SCAPER: variants seen among roughly 807,000 people sequenced by gnomAD.
SCAPER encodes S-phase cyclin A associated protein in the ER.
A neutral mutation model predicts 182.2 loss-of-function variants in SCAPER; 98 were observed. The ratio of observed to expected loss-of-function variants is 0.54; its 90% CI spans 0.46 to 0.64. SCAPER has a LOEUF of 0.64. Ranked by LOEUF, SCAPER falls within the 30% of genes least tolerant of loss-of-function variation. The probability of loss-of-function intolerance (pLI) is 0.00; values close to 1 mark genes in which losing one functional copy is unlikely to be tolerated. For missense variants in SCAPER, 1,432 were observed against 1,690.0 expected (o/e 0.85, Z 2.68); for synonymous variants, 605 against 564.6 (o/e 1.07, Z -1.01).
At chr15:76,898,758 G>A (rs1315763736) in intron 1 of SCAPER, among the ~76,000 whole-genome samples, 2 of 152,198 alleles carry the variant, frequency 1.3e-5, no homozygotes, top group Non-Finnish European at 2.9e-5. Flanking sequence ...GAAGTAGGGA[G>A]GGAGGCCAGA....
chr15:76,543,028 AAAT>A (rs1312493361), intron 23 of SCAPER, among the ~76,000 whole-genome samples: 2 of 152,200 alleles, frequency 1.3e-5, no homozygotes, highest in African/African-American at 2.4e-5. Context: ...TAATTTTTAA[AAAT>A]AATTATGGGT....
At chr15:76,395,657 A>C (rs1242841811) in intron 27 of SCAPER, among the ~76,000 whole-genome samples, 1 of 152,178 alleles carries the variant, frequency 6.6e-6, no homozygotes, top group Non-Finnish European at 1.5e-5. Flanking sequence ...CTTTTGAGAA[A>C]TGTCTCTTCA....
At chr15:76,605,052 A>G (rs1162771015) in intron 22 of SCAPER, among the ~76,000 whole-genome samples, 2 of 152,138 alleles carry the variant, frequency 1.3e-5, no homozygotes, top group Admixed American at 6.5e-5. Flanking sequence ...AGAATTTCCA[A>G]CACTATGTTG....
At chr15:76,430,766 C>T (rs921348535) in intron 26 of SCAPER, among the ~76,000 whole-genome samples, 7 of 152,112 alleles carry the variant, frequency 4.6e-5, no homozygotes, top group African/African-American at 1.2e-4. Context: ...TGAGTTAATG[C>T]TGAAATAAGT....
At chr15:76,428,866 C>CTATATA (rs375991391) in intron 26 of SCAPER, among the ~76,000 whole-genome samples, 4,434 of 79,748 alleles carry the variant, frequency 0.056, 286 homozygotes, top group Non-Finnish European at 0.061. Context: ...GATCATTATA[C>CTATATA]TATATATATA....
chr15:76,520,597 AC>A (rs2042760567), intron 23 of SCAPER, among the ~76,000 whole-genome samples: 2 of 151,350 alleles, frequency 1.3e-5, no homozygotes, highest in South Asian at 4.2e-4. Flanking sequence ...ACTCATACAC[AC>A]CCCCCACCCC....
intron 22 of SCAPER, among the ~76,000 whole-genome samples, chr15:76,604,958 C>T (rs1306948264): frequency 6.6e-6 from 1 of 152,126 alleles, no homozygotes; most frequent in Non-Finnish European, 1.5e-5. Context: ...AATATACAAT[C>T]ATGTCATCTG....
chr15:76,560,383 C>T (rs940069026), intron 23 of SCAPER, among the ~76,000 whole-genome samples: 6 of 152,226 alleles, frequency 3.9e-5, no homozygotes, highest in African/African-American at 1.4e-4. Context: ...GTGCTCTTAA[C>T]AGGTGCATTA....
At chr15:76,439,705 T>A (rs1161664081) in intron 25 of SCAPER, among the ~76,000 whole-genome samples, 1 of 152,214 alleles carries the variant, frequency 6.6e-6, no homozygotes, top group Non-Finnish European at 1.5e-5. Context: ...CTGACTTACC[T>A]GAGTCTGGAA....
intron 5 of SCAPER, among the ~76,000 whole-genome samples, chr15:76,813,213 C>T (rs1205414344): frequency 1.9e-4 from 20 of 104,914 alleles, no homozygotes; most frequent in African/African-American, 8.1e-4. Flanking sequence ...AGACAGAGTT[C>T]AATATCCTTT....
intron 23 of SCAPER, among the ~76,000 whole-genome samples, chr15:76,545,552 T>C (rs2045203398): frequency 6.6e-6 from 1 of 152,168 alleles, no homozygotes; most frequent in South Asian, 2.1e-4. Flanking sequence ...AGCTTTCTAA[T>C]GTCAATAACG....
chr15:76,370,974 G>A (rs992325714), intron 29 of SCAPER, among the ~76,000 whole-genome samples: 1 of 152,094 alleles, frequency 6.6e-6, no homozygotes, highest in Non-Finnish European at 1.5e-5. Flanking sequence ...ACCCCCCACC[G>A]CTAGCCAAGG....
At chr15:76,455,029 T>C (rs2048625649) in intron 25 of SCAPER, among the ~76,000 whole-genome samples, 2 of 152,198 alleles carry the variant, frequency 1.3e-5, no homozygotes, top group Non-Finnish European at 2.9e-5. Context: ...TTTTTAATTA[T>C]TCCTCAACCT....
At position 76,701,257 on chromosome 15, in the gene SCAPER, AT is replaced by A. The variant is rs1156517719; in HGVS notation, c.2508+500del. On this transcript the variant is annotated intron_variant, in intron 20 of 31. Transcript: ENST00000563290. ...TTTACTATAATAAATAGGACAATAAATTCATAGATTAGCTATATCATCCAAG... is the reference window on the plus strand; with the variant it reads ...TTTACTATAATAAATAGGACAATAAATCATAGATTAGCTATATCATCCAAG... Among the ~76,000 whole-genome samples the A allele has an allele frequency of 2.6e-5, 4 of 152,306 alleles. No individual in the cohort carries two copies. In the East Asian group the frequency reaches 7.7e-4, roughly 29 times the overall value.
At chr15:76,705,790 G>C (rs1471681554) in intron 18 of SCAPER, 113 bp downstream of exon 18, 11 of 697,920 alleles carry the variant, frequency 1.6e-5, no homozygotes, top group Non-Finnish European at 2.5e-5. Flanking sequence ...TATAAGCTTT[G>C]TTGTGCAAAG....
At chr15:76,778,788 C>G (rs567122158) in intron 8 of SCAPER, among the ~76,000 whole-genome samples, 1 of 151,964 alleles carries the variant, frequency 6.6e-6, no homozygotes, top group Non-Finnish European at 1.5e-5. Flanking sequence ...GCTTACAAAA[C>G]CAGTACATAA....
At chr15:76,642,904 C>T (rs2054216060) in intron 21 of SCAPER, among the ~76,000 whole-genome samples, 1 of 152,104 alleles carries the variant, frequency 6.6e-6, no homozygotes, top group African/African-American at 2.4e-5. Context: ...TGATTAACAC[C>T]AGCACATATC....
At chr15:76,693,227 A>C (rs781641789) in intron 20 of SCAPER, among the ~76,000 whole-genome samples, 7 of 152,204 alleles carry the variant, frequency 4.6e-5, no homozygotes, top group Non-Finnish European at 1.0e-4. Flanking sequence ...AATTTACCCA[A>C]ACACACACAG....
At chr15:76,743,330 T>C (rs913027009) in intron 15 of SCAPER, among the ~76,000 whole-genome samples, 3 of 152,132 alleles carry the variant, frequency 2.0e-5, no homozygotes, top group African/African-American at 7.2e-5. Flanking sequence ...GGTGGGCAAG[T>C]GGTAGCAAGG....
Sources: gnomAD v4.1 joint callset for allele counts (sites outside exome capture counted in the v4.1 genomes callset) on GRCh38, gnomAD v4.1.1 for gene constraint, MANE v1.5 for transcripts, NCBI Gene and HGNC (gene_info 2026-07-23, HGNC 2026-07-21) for gene names.